The following FAM184B variants were observed in gnomAD, a reference collection of about 807,000 sequenced individuals.
The protein encoded by FAM184B is family with sequence similarity 184 member B.
FAM184B carries 111 observed loss-of-function variants against 135.9 expected under a neutral mutation model. That is an observed-to-expected ratio of 0.82 (90% CI 0.70 to 0.96). The LOEUF is 0.96. FAM184B is among the 40% of genes least tolerant of loss of function. The pLI, the probability that FAM184B is intolerant of heterozygous loss-of-function variation, is 0.00. For missense variants in FAM184B, 1,375 were observed against 1,323.9 expected, an observed-to-expected ratio of 1.04 and a Z score of -0.60; for synonymous variants, 552 against 524.8, an observed-to-expected ratio of 1.05 and a Z score of -0.71.
chr4:17,766,023 A>T (rs1181980509), intron 1 of FAM184B, among the ~76,000 whole-genome samples: 1 of 152,236 alleles, frequency 6.6e-6, no homozygotes, highest in Admixed American at 6.5e-5. Context: ...GTGAAGCTGC[A>T]GACCTTCCCC....
At chr4:17,632,709 A>G (rs1018180114) in intron 17 of FAM184B, 84 bp from the exon 18 acceptor site, 3 of 914,456 alleles carry the variant, frequency 3.3e-6, no homozygotes, top group Admixed American at 4.9e-5. Context: ...TCAGGGAAAG[A>G]TAACTGCTTG....
chr4:17,763,385 T>C (rs1208603179), intron 1 of FAM184B, among the ~76,000 whole-genome samples: 4 of 150,534 alleles, frequency 2.7e-5, no homozygotes, highest in African/African-American at 1.0e-4. Flanking sequence ...GGCCTAGCTT[T>C]CAGAGGGCAC....
At chr4:17,758,092 G>A (rs1312474536) in intron 1 of FAM184B, among the ~76,000 whole-genome samples, 1 of 152,148 alleles carries the variant, frequency 6.6e-6, no homozygotes, top group Non-Finnish European at 1.5e-5. Flanking sequence ...CTACTAACTA[G>A]CTGTGTGTCC....
intron 1 of FAM184B, among the ~76,000 whole-genome samples, chr4:17,738,313 G>T (rs143570470): frequency 6.6e-6 from 1 of 152,002 alleles, no homozygotes; most frequent in African/African-American, 2.4e-5. Context: ...AGTAGGAAAG[G>T]GTGACCCTGC....
At chr4:17,767,921 T>G (rs1718736214) in intron 1 of FAM184B, among the ~76,000 whole-genome samples, 1 of 152,202 alleles carries the variant, frequency 6.6e-6, no homozygotes, top group African/African-American at 2.4e-5. Context: ...GGTTTCAAAC[T>G]TTTTCTGTAA....
intron 14 of FAM184B, among the ~76,000 whole-genome samples, chr4:17,638,180 TTTTTGTTTTG>T (rs377120925): frequency 6.6e-4 from 97 of 147,288 alleles, no homozygotes; most frequent in African/African-American, 1.2e-3. Context: ...GGGTCTATTT[TTTTTGTTTTG>T]TTTTGTTTTG....
intron 7 of FAM184B, among the ~76,000 whole-genome samples, chr4:17,679,794 G>A (rs371841811): frequency 4.3e-3 from 426 of 99,740 alleles, no homozygotes; most frequent in African/African-American, 0.012. Context: ...CAGTCAATGA[G>A]TGGTTAAAAA....
chr4:17,722,982 C>T (rs1035689868), intron 1 of FAM184B, among the ~76,000 whole-genome samples: 5 of 152,130 alleles, frequency 3.3e-5, no homozygotes, highest in Admixed American at 6.5e-5. Context: ...AAAATTCAAA[C>T]GCAGACAGAG....
Position 17,657,776 on chromosome 4 carries a change from C to T in FAM184B, c.2037+574G>A, listed in dbSNP as rs911937183. Among the ~76,000 whole-genome samples the T allele has an allele frequency of 4.0e-5, 6 of 151,692 alleles. No individual in the cohort carries two copies. The South Asian group carries it at 1.2e-3, about 31-fold the overall frequency. On this transcript the variant is annotated intron_variant, in intron 10 of 17. Coordinates refer to ENST00000265018, the MANE Select transcript of FAM184B (RefSeq NM_015688.2). ...GGTTCAAGCAATTTTCCTGCCTCAG[C>T]CTCCCAAGTAGCTGGGATTACAGGC...
chr4:17,749,697 T>G (rs750391937), intron 1 of FAM184B, among the ~76,000 whole-genome samples: 40 of 152,168 alleles, frequency 2.6e-4, no homozygotes, highest in Non-Finnish European at 5.3e-4. Context: ...CTGTATCATC[T>G]TAAAAAAATC....
intron 1 of FAM184B, among the ~76,000 whole-genome samples, chr4:17,746,679 C>G (rs1461012706): frequency 6.6e-6 from 1 of 150,454 alleles, no homozygotes; most frequent in Non-Finnish European, 1.5e-5. Context: ...TTGCAGTGAG[C>G]TGAGATCGTG....
rs368984354 is a variant in FAM184B, at chr4:17,705,085, C to T, written c.1292G>A (p.Arg431Gln). 1.5e-5 allele frequency: 24 copies of T among 1,551,608 alleles called. No homozygotes were observed. The South Asian group carries it at 2.3e-4, about 15-fold the overall frequency. The change falls in exon 5 of 18, where the codon CGA becomes CAA. Residue 431 changes from arginine (R) to glutamine (Q), a missense_variant. By Grantham distance (43) the Arg-to-Gln change is conservative (BLOSUM62 1). Transcript: ENST00000265018. ...KKHLKDQLVK[R>Q]LEDLVKKHTV... is the part of the protein sequence containing the mutation. ...GTGCTTCTTTACCAAGTCTTCTAGT[C>T]GCTTCACTAGCTGGTCTTTGAGATG...
chr4:17,691,374 G>C (rs1328102681), intron 6 of FAM184B, among the ~76,000 whole-genome samples: 1 of 152,142 alleles, frequency 6.6e-6, no homozygotes, highest in Non-Finnish European at 1.5e-5. Context: ...CACAAAGCTA[G>C]CCATTATTGT....
intron 5 of FAM184B, among the ~76,000 whole-genome samples, chr4:17,698,428 G>A (rs527564680): frequency 6.1e-4 from 89 of 146,328 alleles, no homozygotes; most frequent in African/African-American, 2.0e-3. Context: ...GAACAACTGA[G>A]CAATCACCGA....
chr4:17,654,930 C>T (rs1233361369), intron 10 of FAM184B, among the ~76,000 whole-genome samples: 1 of 152,206 alleles, frequency 6.6e-6, no homozygotes, highest in Non-Finnish European at 1.5e-5. Context: ...TGGCTCACCT[C>T]AGCCTTGACC....
At chr4:17,647,163 C>T (rs1402439762) in intron 12 of FAM184B, among the ~76,000 whole-genome samples, 5 of 151,480 alleles carry the variant, frequency 3.3e-5, no homozygotes, top group Admixed American at 3.3e-4. Context: ...ACCCTGCAGG[C>T]CCACCAAGTA....
chr4:17,759,051 G>A (rs1718484844), intron 1 of FAM184B, among the ~76,000 whole-genome samples: 1 of 152,110 alleles, frequency 6.6e-6, no homozygotes, highest in African/African-American at 2.4e-5. Context: ...TGTTGGCTTG[G>A]CGATCCTGTC....
chr4:17,705,352 T>C (rs1717084861), intron 4 of FAM184B, 146 bp from the exon 5 acceptor site: 4 of 685,780 alleles, frequency 5.8e-6, no homozygotes, highest in Admixed American at 2.9e-5. Context: ...TACAAGACTA[T>C]ATATTTGATG....
At chr4:17,762,354 A>C (rs922304776) in intron 1 of FAM184B, among the ~76,000 whole-genome samples, 1 of 152,216 alleles carries the variant, frequency 6.6e-6, no homozygotes, top group Non-Finnish European at 1.5e-5. Flanking sequence ...TTACAATAAG[A>C]CACACATATT....
Sources: gnomAD v4.1 joint callset for allele counts (sites outside exome capture counted in the v4.1 genomes callset) on GRCh38, gnomAD v4.1.1 for gene constraint, MANE v1.5 for transcripts, NCBI Gene and HGNC (gene_info 2026-07-23, HGNC 2026-07-21) for gene names.